The following CAMTA1 variants were observed in gnomAD, a reference collection of about 807,000 sequenced individuals.
CAMTA1 encodes the protein calmodulin-binding transcription activator 1.
CAMTA1 carries 27 observed loss-of-function variants against 170.9 expected under a neutral mutation model. The observed-to-expected ratio is 0.16, with a 90% CI of 0.12 to 0.22. CAMTA1 has a LOEUF of 0.22. CAMTA1 is among the 10% of genes least tolerant of loss of function. The pLI is 1.00. For missense variants in CAMTA1, 1,619 were observed against 2,217.2 expected, an observed-to-expected ratio of 0.73 and a Z score of 5.42; for synonymous variants, 833 against 891.5, an observed-to-expected ratio of 0.93 and a Z score of 1.17.
intron 3 of CAMTA1, among the ~76,000 whole-genome samples, chr1:6,994,905 T>C (rs1397168929): frequency 6.6e-6 from 1 of 152,168 alleles, no homozygotes; most frequent in African/African-American, 2.4e-5. Context: ...TGGGCACAAG[T>C]GATCCTCCCG....
chr1:7,477,789 C>T (rs377617191), intron 6 of CAMTA1, among the ~76,000 whole-genome samples: 1 of 152,144 alleles, frequency 6.6e-6, no homozygotes, highest in Non-Finnish European at 1.5e-5. Context: ...CAGACTGCGG[C>T]GGCCAACGTC....
intron 5 of CAMTA1, among the ~76,000 whole-genome samples, chr1:7,264,666 A>G (rs1177665311): frequency 6.6e-6 from 1 of 152,218 alleles, no homozygotes; most frequent in Non-Finnish European, 1.5e-5. Flanking sequence ...ACTTCTAGAA[A>G]ATGCGGCAGC....
chr1:6,997,201 G>C (rs1036302268), intron 3 of CAMTA1, among the ~76,000 whole-genome samples: 1 of 152,114 alleles, frequency 6.6e-6, no homozygotes, highest in South Asian at 2.1e-4. Flanking sequence ...TCTGTTGGAC[G>C]AATTTTCCGT....
chr1:7,081,040 A>G, intron 3 of CAMTA1, among the ~76,000 whole-genome samples: 1 of 152,242 alleles, frequency 6.6e-6, no homozygotes, highest in East Asian at 1.9e-4. Context: ...CAAAGGAACA[A>G]GCTGCCTGCC....
chr1:7,604,023 TG>T (rs780628860), intron 6 of CAMTA1, among the ~76,000 whole-genome samples: 15 of 152,260 alleles, frequency 9.9e-5, no homozygotes, highest in Non-Finnish European at 1.9e-4. Flanking sequence ...CACTCTCTTC[TG>T]GCTTGTAGAG....
intron 3 of CAMTA1, among the ~76,000 whole-genome samples, chr1:7,060,084 A>G (rs971365381): frequency 2.0e-5 from 3 of 152,156 alleles, no homozygotes; most frequent in African/African-American, 7.2e-5. Flanking sequence ...TGTGAGTCTT[A>G]AGTGGGTAAT....
At chr1:7,718,821 T>C (rs1233880748) in intron 11 of CAMTA1, among the ~76,000 whole-genome samples, 1 of 150,076 alleles carries the variant, frequency 6.7e-6, no homozygotes, top group African/African-American at 2.4e-5. Flanking sequence ...CCTCCCAAAG[T>C]GCTGGGATTA....
rs1162895489 is a variant in CAMTA1, at chr1:6,887,035, G to A, written c.234+61825G>A. Among the ~76,000 whole-genome samples the A allele has an allele frequency of 6.6e-6, 1 of 152,172 alleles. No homozygotes were observed. Among genetic ancestry groups the A allele is most frequent in the Non-Finnish European group, 1.5e-5 (1 of 68,030 alleles). ...AAGTGCTGGAAATGGAATTTAAGAA[G>A]TCCACCTTCTTAGTCCTGTGCTTAA... On this transcript the variant is annotated intron_variant, in intron 3 of 22. Coordinates refer to ENST00000303635, the MANE Select transcript of CAMTA1 (RefSeq NM_015215.4). This position sits in a 1 kb window ranked among gnomAD's most constrained non-coding sequence, Gnocchi z 4.1.
In CAMTA1 at chr1:7,750,910, C is replaced by T. The variant is rs376765392; in HGVS notation, c.4690-289C>T. The T allele has an allele frequency of 2.2e-3, 1,135 of 517,350 alleles. 21 individuals carry two copies. Among genetic ancestry groups the T allele is most frequent in the South Asian group, 0.019 (1,098 of 56,860 alleles). The allele number at this position is 517,350 out of a possible 1,614,324, so 32.0% of individuals were successfully genotyped here. On this transcript the variant is annotated intron_variant, in intron 19 of 22. Transcript: ENST00000303635. ...CGAAATCTGTTTTTAGATTCATAAACGTCTAAGGGTATTGCTATTAAAATT... is the reference window on the plus strand; with the variant it reads ...CGAAATCTGTTTTTAGATTCATAAATGTCTAAGGGTATTGCTATTAAAATT...
chr1:7,015,439 G>A (rs765266620), intron 3 of CAMTA1, among the ~76,000 whole-genome samples: 5 of 152,240 alleles, frequency 3.3e-5, no homozygotes, highest in South Asian at 4.2e-4. Flanking sequence ...GATGTCTTCC[G>A]GTGAGGCTGC....
chr1:7,063,280 C>T lies in CAMTA1; in HGVS notation c.235-28024C>T, dbSNP rs1374332919. Among the ~76,000 whole-genome samples, 1 of 152,200 alleles carries T rather than the reference C, an allele frequency of 6.6e-6. No individual in the cohort carries two copies. The highest frequency in any genetic ancestry group is 2.4e-5 in the African/African-American group (1 of 41,454). On this transcript the variant is annotated intron_variant, in intron 3 of 22. Coordinates refer to ENST00000303635, the MANE Select transcript of CAMTA1 (RefSeq NM_015215.4). The surrounding 1 kb of genome is among the most constrained non-coding windows in gnomAD (Gnocchi z 4.3). ...CGGCCTAGAATTCCTAGTGGAAAGACAGGGACGACTCTTCCGCAACACCTC... is the reference window on the plus strand; with the variant it reads ...CGGCCTAGAATTCCTAGTGGAAAGATAGGGACGACTCTTCCGCAACACCTC...
In CAMTA1 at chr1:7,766,456, C is replaced by T. The variant is rs764254762; in HGVS notation, c.4990-3C>T. The T allele has an allele frequency of 6.2e-7, 1 of 1,613,908 alleles. No homozygotes were observed. Among genetic ancestry groups the T allele is most frequent in the Admixed American group, 1.7e-5 (1 of 60,010 alleles). On this transcript the variant is annotated splice_region_variant and splice_polypyrimidine_tract_variant and intron_variant, in intron 22 of 22. Coordinates refer to ENST00000303635, the MANE Select transcript of CAMTA1 (RefSeq NM_015215.4). Reference sequence around the variant, plus strand: ...CTGCTGTTTTGTTTTGTTTCTCTTCCAGAGTGAAAGAATTGAAAAAGGCCA... The same window carrying T: ...CTGCTGTTTTGTTTTGTTTCTCTTCTAGAGTGAAAGAATTGAAAAAGGCCA...
intron 6 of CAMTA1, among the ~76,000 whole-genome samples, chr1:7,583,955 G>A (rs7548159): frequency 0.089 from 13,509 of 152,166 alleles, 2,013 homozygotes; most frequent in African/African-American, 0.31. Context: ...GAGCTCTGAC[G>A]GGTGCTCTTG....
At chr1:7,713,621 G>T (rs529934082) in intron 11 of CAMTA1, among the ~76,000 whole-genome samples, 9 of 152,190 alleles carry the variant, frequency 5.9e-5, no homozygotes, top group Non-Finnish European at 1.3e-4. Flanking sequence ...TTTTGTGTTT[G>T]CTGATCAATA....
intron 1 of CAMTA1, among the ~76,000 whole-genome samples, chr1:6,800,313 T>A (rs1339753311): frequency 6.6e-6 from 1 of 151,982 alleles, no homozygotes; most frequent in African/African-American, 2.4e-5. Context: ...AGGCTGAGGT[T>A]GGAGGATTAC....
chr1:7,461,063 G>A (rs2093074738), intron 5 of CAMTA1, among the ~76,000 whole-genome samples: 1 of 152,174 alleles, frequency 6.6e-6, no homozygotes, highest in Non-Finnish European at 1.5e-5. Flanking sequence ...GAGATTTGCT[G>A]GTAAACACCC....
intron 6 of CAMTA1, among the ~76,000 whole-genome samples, chr1:7,522,396 T>A (rs528452239): frequency 6.6e-6 from 1 of 152,296 alleles, no homozygotes; most frequent in African/African-American, 2.4e-5. Flanking sequence ...TCAGTACGAG[T>A]CCTTTGCTGA....
chr1:7,357,272 G>A (rs845197), intron 5 of CAMTA1, among the ~76,000 whole-genome samples: 96,247 of 152,152 alleles, frequency 0.63, 32,168 homozygotes, highest in Non-Finnish European at 0.75. Flanking sequence ...GCATGGAGCC[G>A]CTATAGCCAA....
chr1:7,368,766 CAT>C (rs1226187591), intron 5 of CAMTA1, among the ~76,000 whole-genome samples: 3 of 152,200 alleles, frequency 2.0e-5, no homozygotes, highest in Non-Finnish European at 4.4e-5. Context: ...GTGTTCCGCA[CAT>C]GTTGTTAAAT....
Sources: gnomAD v4.1 joint callset for allele counts (sites outside exome capture counted in the v4.1 genomes callset) on GRCh38, gnomAD v4.1.1 for gene constraint, Gnocchi (gnomAD v3.1) non-coding constraint, MANE v1.5 for transcripts, NCBI Gene and HGNC (gene_info 2026-07-23, HGNC 2026-07-21) for gene names.